The following BIRC6 variants were observed in gnomAD, a reference collection of about 807,000 sequenced individuals.
The protein encoded by BIRC6 is dual E2 ubiquitin-conjugating enzyme/E3 ubiquitin-protein ligase BIRC6.
BIRC6 carries 98 observed loss-of-function variants against 503.3 expected under a neutral mutation model. That is an observed-to-expected ratio of 0.19 (90% CI 0.17 to 0.23). The LOEUF is 0.23. Among genes scored for constraint, BIRC6 ranks in the 10% least tolerant of loss-of-function variants. The probability of loss-of-function intolerance (pLI) is 1.00; values close to 1 mark genes in which losing one functional copy is unlikely to be tolerated. For synonymous variants in BIRC6, 2,240 were observed against 2,078.7 expected, an observed-to-expected ratio of 1.08 and a Z score of -2.11; for missense variants, 5,360 against 5,806.0, an observed-to-expected ratio of 0.92 and a Z score of 2.50.
At chr2:32,569,901 G>A (rs1221283748) in intron 65 of BIRC6, among the ~76,000 whole-genome samples, 2 of 151,142 alleles carry the variant, frequency 1.3e-5, no homozygotes, top group Non-Finnish European at 2.9e-5. Flanking sequence ...TGCTTTTTGA[G>A]TTTGAATGCC....
intron 66 of BIRC6, among the ~76,000 whole-genome samples, chr2:32,582,715 T>G (rs1011782015): frequency 6.6e-6 from 1 of 152,064 alleles, no homozygotes. Flanking sequence ...AAGATCCCAC[T>G]AGTGCACTCT....
chr2:32,525,742 G>GAGTT, intron 59 of BIRC6, 114 bp downstream of exon 59: 1 of 996,338 alleles, frequency 1.0e-6, no homozygotes. Context: ...TGAGATCAGT[G>GAGTT]AGTTAGTGAG....
In BIRC6 at chr2:32,371,819, G is replaced by A. The variant is rs1277489244; in HGVS notation, c.326-5769G>A. 2.0e-5 allele frequency among the ~76,000 whole-genome samples: 3 copies of A among 151,440 alleles called. No individual in the cohort carries two copies. The South Asian group carries it at 6.3e-4, about 32-fold the overall frequency. On this transcript the variant is annotated intron_variant, in intron 1 of 73. Coordinates refer to ENST00000421745, the MANE Select transcript of BIRC6 (RefSeq NM_016252.4). ...GTTTATTCTTTTTTTGTTTGTTTGT[G>A]TTTTGAGACAGAGTCTCACTCCGTC...
rs2042413287 is a variant in BIRC6, at chr2:32,416,763, C to A, written c.2872+600C>A. On this transcript the variant is annotated intron_variant, in intron 10 of 73. Coordinates refer to ENST00000421745, the MANE Select transcript of BIRC6 (RefSeq NM_016252.4). ...GTTATTTTTTCTTTTTTTCTCCTTTCTTTTCCTTTTCCTTTCCCCTTTCCC... is the reference window on the plus strand; with the variant it reads ...GTTATTTTTTCTTTTTTTCTCCTTTATTTTCCTTTTCCTTTCCCCTTTCCC... Among the ~76,000 whole-genome samples the A allele has an allele frequency of 1.3e-5, 2 of 150,002 alleles. 1 individual carries two copies. Among genetic ancestry groups the A allele is most frequent in the South Asian group, 4.2e-4 (2 of 4,786 alleles).
chr2:32,581,669 T>C (rs1393914734), intron 66 of BIRC6, among the ~76,000 whole-genome samples: 1 of 152,222 alleles, frequency 6.6e-6, no homozygotes, highest in Non-Finnish European at 1.5e-5. Flanking sequence ...TGTTTACTTA[T>C]TAATCCTTGA....
At chr2:32,574,137 T>A (rs531735864) in intron 65 of BIRC6, among the ~76,000 whole-genome samples, 1 of 151,752 alleles carries the variant, frequency 6.6e-6, no homozygotes, top group East Asian at 1.9e-4. Context: ...CCCACATATT[T>A]GAGAATCCAA....
At chr2:32,611,654 C>T in intron 73 of BIRC6, 72 bp downstream of exon 73, 4 of 1,341,498 alleles carry the variant, frequency 3.0e-6, no homozygotes, top group Non-Finnish European at 3.9e-6. Flanking sequence ...CCATGCCTAC[C>T]AGAAGATAAT....
rs769225530 is a variant in BIRC6 at position 32,617,708 on chromosome 2, C to T, written c.14395-17C>T. On this transcript the variant is annotated splice_polypyrimidine_tract_variant and intron_variant, in intron 73 of 73. Coordinates refer to ENST00000421745, the MANE Select transcript of BIRC6 (RefSeq NM_016252.4). ...GAGGGTTTGCAGTTCTAACATTAGT[C>T]CTTTTCTCCTGCATAGCGTCACACT... The T allele has an allele frequency of 5.0e-6, 8 of 1,609,276 alleles. No individual in the cohort carries two copies. Among genetic ancestry groups the T allele is most frequent in the Non-Finnish European group, 5.9e-6 (7 of 1,177,102 alleles).
chr2:32,430,716 C>A, intron 11 of BIRC6, 149 bp from the exon 12 acceptor site: 1 of 614,556 alleles, frequency 1.6e-6, no homozygotes, highest in Non-Finnish European at 2.8e-6. Flanking sequence ...TATATAGATA[C>A]CTGAGCCCAC....
Position 32,415,399 on chromosome 2 carries a change from C to G in BIRC6, c.2108C>G (p.Ser703Cys). The G allele has an allele frequency of 1.2e-6, 2 of 1,614,034 alleles. No homozygotes were observed. Among genetic ancestry groups the G allele is most frequent in the Non-Finnish European group, 8.5e-7 (1 of 1,179,892 alleles). ...GCAGCCAACCTTACCTCTCCGGATT[C>G]TGAGAAGTGGAACTCTGTGTTTCCC... is the stretch of plus-strand genomic sequence containing the variant. ...DAAANLTSPD[S>C]EKWNSVFPKP... The change falls in exon 10 of 74, where the codon TCT becomes TGT. Residue 703 changes from serine (S) to cysteine (C), a missense_variant. By Grantham distance (112) the Ser-to-Cys change is moderately radical (BLOSUM62 -1). Coordinates refer to ENST00000421745, the MANE Select transcript of BIRC6 (RefSeq NM_016252.4).
Position 32,478,796 on chromosome 2 carries a change from C to T in BIRC6, c.7230C>T (p.Cys2410=), listed in dbSNP as rs2050051302. The change falls in exon 36 of 74, where the codon TGC becomes TGT. Residue 2410 remains cysteine, a synonymous_variant. Coordinates refer to ENST00000421745, the MANE Select transcript of BIRC6 (RefSeq NM_016252.4). ...CTTGGGCTCAGTATTCCTTAACTTGCATGCTACAAGATATTTTAGCAGGTG... is the reference window on the plus strand; with the variant it reads ...CTTGGGCTCAGTATTCCTTAACTTGTATGCTACAAGATATTTTAGCAGGTG... ...GGAWAQYSLT[C]MLQDILAGEL... is the part of the protein sequence containing the mutation. The T allele has an allele frequency of 1.2e-6, 2 of 1,612,886 alleles. No homozygotes were observed. The highest frequency in any genetic ancestry group is 1.1e-5 in the South Asian group (1 of 90,844).
chr2:32,480,505 G>GA, intron 37 of BIRC6, among the ~76,000 whole-genome samples: 1 of 151,576 alleles, frequency 6.6e-6, no homozygotes, highest in Admixed American at 6.6e-5. Flanking sequence ...AGGAATGATG[G>GA]AAAAGTAAGA....
chr2:32,451,737 A>G (rs548625592), intron 22 of BIRC6, among the ~76,000 whole-genome samples: 2 of 152,278 alleles, frequency 1.3e-5, no homozygotes, highest in African/African-American at 2.4e-5. Flanking sequence ...CTGACAGACA[A>G]ACTACGCCCA....
chr2:32,392,537 T>C (rs563357046), intron 5 of BIRC6, among the ~76,000 whole-genome samples: 13 of 152,332 alleles, frequency 8.5e-5, no homozygotes, highest in Non-Finnish European at 1.6e-4. Context: ...ATTACAGGCA[T>C]GCCAGGCCAG....
chr2:32,423,878 T>C (rs1314479069), intron 10 of BIRC6, among the ~76,000 whole-genome samples: 1 of 152,244 alleles, frequency 6.6e-6, no homozygotes. Context: ...CTGTATACAC[T>C]ACCTGTCTGT....
chr2:32,474,050 C>A (rs2149054802), intron 33 of BIRC6, among the ~76,000 whole-genome samples: 1 of 152,046 alleles, frequency 6.6e-6, no homozygotes, highest in South Asian at 2.1e-4. Flanking sequence ...GCCACTGTGT[C>A]CGGCCACACA....
chr2:32,463,204 C>G lies in BIRC6; in HGVS notation c.4764C>G (p.Phe1588Leu). The G allele has an allele frequency of 6.2e-7, 1 of 1,608,938 alleles. No individual in the cohort carries two copies. ...RIERDDAMSS[F>L]GVTPAVGGLS... ...CTTGTCTTATGCCAGTGAGTTCCTT[C>G]GGGGTTACTCCTGCAGTAGGTGGAC... Residue 1588 changes from phenylalanine to leucine, a missense_variant, in exon 24 of 74, where the codon TTC (phenylalanine) becomes TTG (leucine). By Grantham distance (22) the Phe-to-Leu change is conservative. Around this residue, in one of 16 missense-constraint regions of BIRC6, gnomAD observed 2,299 missense variants for 2,267.2 expected, o/e 1.01. Transcript: ENST00000421745.
chr2:32,441,394 C>A lies in BIRC6; in HGVS notation c.3876C>A (p.Gly1292=). ...SGTRKSENLR[G]CDLLQEVSVT... ...CCCGTAAATCTGAAAACCTCCGGGG[C>A]TGTGATTTACTTCAAGAGGTCTCAG... Residue 1292 remains glycine, a synonymous_variant, in exon 17 of 74, where the codon GGC becomes GGA. Coordinates refer to ENST00000421745, the MANE Select transcript of BIRC6 (RefSeq NM_016252.4). The A allele has an allele frequency of 6.2e-7, 1 of 1,609,482 alleles. No homozygotes were observed. The highest frequency in any genetic ancestry group is 8.5e-7 in the Non-Finnish European group (1 of 1,176,254).
Position 32,607,621 on chromosome 2 carries a change from A to G in BIRC6, c.14237A>G (p.Asn4746Ser). The change falls in exon 72 of 74, where the codon AAC becomes AGC. Residue 4746 changes from asparagine to serine, a missense_variant. Physicochemically the swap from Asn to Ser is conservative, Grantham distance 46. Transcript: ENST00000421745. ...VKWAMLEQIR[N>S]PSPCFKEVIH... ...TGGGCAATGCTAGAACAAATCAGAA[A>G]CCCTTCACCATGTTTTAAAGAGGTA... The G allele has an allele frequency of 6.2e-7, 1 of 1,607,670 alleles. No individual in the cohort carries two copies. The highest frequency in any genetic ancestry group is 1.1e-5 in the South Asian group (1 of 90,226).
Sources: allele counts gnomAD v4.1 joint callset (sites outside exome capture counted in the v4.1 genomes callset), GRCh38; gene constraint gnomAD v4.1.1; regional missense constraint gnomAD v4.1.1; transcripts MANE v1.5; gene names NCBI Gene and HGNC (gene_info 2026-07-23, HGNC 2026-07-21).